MTA1: variants seen among roughly 807,000 people sequenced by gnomAD.
MTA1 encodes metastasis-associated protein MTA1.
MTA1 carries 15 observed loss-of-function variants against 97.0 expected under a neutral mutation model. The observed-to-expected ratio is 0.15, with a 90% CI of 0.10 to 0.24. The LOEUF is 0.24. MTA1 is among the 10% of genes least tolerant of loss of function. The pLI is 1.00. For synonymous variants in MTA1, 435 were observed against 417.5 expected (o/e 1.04, Z -0.51); for missense variants, 709 against 1,015.1 (o/e 0.70, Z 4.10).
At chr14:105,462,728 G>A (rs1156680030) in intron 10 of MTA1, among the ~76,000 whole-genome samples, 4 of 152,104 alleles carry the variant, frequency 2.6e-5, no homozygotes, top group African/African-American at 7.2e-5. Flanking sequence ...AATTAGCCGG[G>A]TGTGTTGAGA....
At chr14:105,465,808 C>T (rs1244050856) in intron 16 of MTA1, 2 of 152,608 alleles carry the variant, frequency 1.3e-5, no homozygotes, top group Non-Finnish European at 2.9e-5. Flanking sequence ...GGGGCCTCCT[C>T]CATTTGCTGG....
chr14:105,439,001 G>C lies in MTA1; in HGVS notation c.96+262G>C, dbSNP rs57473227. Among the ~76,000 whole-genome samples the C allele has an allele frequency of 2.0e-5, 3 of 152,316 alleles. No individual in the cohort carries two copies. The East Asian group carries it at 5.8e-4, about 29-fold the overall frequency. On this transcript the variant is annotated intron_variant, in intron 2 of 20. Coordinates refer to ENST00000331320, the MANE Select transcript of MTA1 (RefSeq NM_004689.4). ...CTGCCCACTCTACACTTGGTCTGTG[G>C]GTGCTGGGTCCCCTGAAGATGCCAG...
chr14:105,429,837 A>G (rs1410979889), intron 1 of MTA1, among the ~76,000 whole-genome samples: 2 of 122,726 alleles, frequency 1.6e-5, no homozygotes, highest in African/African-American at 6.5e-5. Context: ...GCTCACTGCC[A>G]CCTCCAGCTC....
chr14:105,442,242 AG>A (rs1290978801), intron 2 of MTA1, among the ~76,000 whole-genome samples: 27 of 152,366 alleles, frequency 1.8e-4, no homozygotes, highest in African/African-American at 6.5e-4. Context: ...AGCCGCGTTC[AG>A]GTGTGGAGGC....
At chr14:105,442,018 G>C (rs1308681505) in intron 2 of MTA1, among the ~76,000 whole-genome samples, 1 of 152,054 alleles carries the variant, frequency 6.6e-6, no homozygotes, top group Non-Finnish European at 1.5e-5. Flanking sequence ...CAGAAGATGG[G>C]GCAAAAACAC....
Position 105,463,639 on chromosome 14 carries a change from G to A in MTA1, c.1076+88G>A. 4 of 1,357,960 alleles carry A rather than the reference G, an allele frequency of 2.9e-6. No individual in the cohort carries two copies. Among genetic ancestry groups the A allele is most frequent in the Middle Eastern group, 1.9e-4 (1 of 5,362 alleles). 84.1% of individuals were successfully genotyped at this position (1,357,960 alleles called of 1,614,324 possible). A position where few individuals can be genotyped will look rare whatever the true frequency, so the allele number is the denominator to read the frequency against. Reference sequence around the variant, plus strand: ...GTGCTGGGGCCAGGCGGGTCCCAAGGAAACTCAAGCTCAGAGGCTGGGAAA... The same window carrying A: ...GTGCTGGGGCCAGGCGGGTCCCAAGAAAACTCAAGCTCAGAGGCTGGGAAA... On this transcript the variant is annotated intron_variant, in intron 12 of 20. Coordinates refer to ENST00000331320, the MANE Select transcript of MTA1 (RefSeq NM_004689.4). This position sits in a 1 kb window ranked among gnomAD's most constrained non-coding sequence, Gnocchi z 5.9.
Position 105,444,715 on chromosome 14 carries a change from C to T in MTA1, c.97-703C>T, listed in dbSNP as rs1174919933. Among the ~76,000 whole-genome samples, 11 of 150,710 alleles carry T rather than the reference C, an allele frequency of 7.3e-5. No individual in the cohort carries two copies. The South Asian group carries it at 1.3e-3, about 17-fold the overall frequency. ...CTGAGGCAGGAGAATCACTTGAACC[C>T]AGGAGGCAGAGGTTGCAGTGAGCCA... On this transcript the variant is annotated intron_variant, in intron 2 of 20. Transcript: ENST00000331320.
chr14:105,468,056 G>T (rs1410112199), intron 18 of MTA1: 1 of 346,586 alleles, frequency 2.9e-6, no homozygotes, highest in African/African-American at 2.2e-5. Context: ...CTGACGTGTA[G>T]CGGCCAGGAC....
intron 2 of MTA1, among the ~76,000 whole-genome samples, chr14:105,443,877 T>G (rs1024532678): frequency 8.6e-5 from 13 of 151,640 alleles, no homozygotes; most frequent in Admixed American, 7.9e-4. Context: ...GGTCACGAGG[T>G]CAGGAGATAG....
At chr14:105,444,399 A>T (rs4983626) in intron 2 of MTA1, among the ~76,000 whole-genome samples, 140,980 of 152,112 alleles carry the variant, frequency 0.93, 66,256 homozygotes, top group Non-Finnish European at 1. Flanking sequence ...GCATGGTGTA[A>T]TTGGACTGTG....
rs587671542 is a variant in MTA1, at chr14:105,439,103, C to T, written c.96+364C>T. ...GCTGCAGAAAGCCATACTCGGTGCC[C>T]CTGCCCTGCCCGAACCCTGGCAGCC... On this transcript the variant is annotated intron_variant, in intron 2 of 20. Coordinates refer to ENST00000331320, the MANE Select transcript of MTA1 (RefSeq NM_004689.4). Among the ~76,000 whole-genome samples the T allele has an allele frequency of 3.6e-4, 38 of 104,918 alleles. No individual in the cohort carries two copies. In the East Asian group the frequency reaches 0.011, roughly 31 times the overall value. The allele number at this position is 104,918 out of a possible 152,430, so 68.8% of individuals were successfully genotyped here.
chr14:105,469,916 C>T lies in MTA1; in HGVS notation c.1921C>T (p.Pro641Ser). Residue 641 changes from proline (P) to serine (S), a missense_variant, in exon 20 of 21, where the codon CCC becomes TCC. By Grantham distance (74) the Pro-to-Ser change is moderately conservative. This residue lies in a region of MTA1 where 388 missense variants were observed against 421.6 expected (regional missense o/e 0.92). Coordinates refer to ENST00000331320, the MANE Select transcript of MTA1 (RefSeq NM_004689.4). ...GCGCCTGATCCGGGGGGGCTCCCTGCCCCCAGTCAAGCGGCGGCGGATGAA... is the reference window on the plus strand; with the variant it reads ...GCGCCTGATCCGGGGGGGCTCCCTGTCCCCAGTCAAGCGGCGGCGGATGAA... Reference protein sequence around the residue: ...KVRLIRGGSLPPVKRRRMNWI... With the variant: ...KVRLIRGGSLSPVKRRRMNWI... The T allele has an allele frequency of 1.2e-6, 2 of 1,612,026 alleles. No individual in the cohort carries two copies. The highest frequency in any genetic ancestry group is 1.7e-6 in the Non-Finnish European group (2 of 1,179,606).
chr14:105,435,145 G>T (rs1360111120), intron 1 of MTA1, among the ~76,000 whole-genome samples: 1 of 152,190 alleles, frequency 6.6e-6, no homozygotes, highest in African/African-American at 2.4e-5. Context: ...GTACCCTTTA[G>T]TTCCTTGTTT....
In MTA1 at chr14:105,465,254, T is replaced by C. The variant is rs587733411; in HGVS notation, c.1624+71T>C. 10 of 1,293,718 alleles carry C rather than the reference T, an allele frequency of 7.7e-6. No homozygotes were observed. The South Asian group carries it at 1.4e-4, about 18-fold the overall frequency. The allele number at this position is 1,293,718 out of a possible 1,614,324, so 80.1% of individuals were successfully genotyped here. On this transcript the variant is annotated intron_variant, in intron 16 of 20. Transcript: ENST00000331320. ...CAGCTTCTCACCCAAGCTCATGCAC[T>C]GGTGCTCCCAGCCTTCTCTAGCTGG...
At chr14:105,453,651 A>C (rs1425396513) in intron 6 of MTA1, among the ~76,000 whole-genome samples, 1 of 152,144 alleles carries the variant, frequency 6.6e-6, no homozygotes, top group East Asian at 1.9e-4. Context: ...CTCTACTGAA[A>C]ATACAAAATA....
At chr14:105,428,510 C>T (rs2082079332) in intron 1 of MTA1, among the ~76,000 whole-genome samples, 1 of 152,116 alleles carries the variant, frequency 6.6e-6, no homozygotes, top group Non-Finnish European at 1.5e-5. Flanking sequence ...TCAAGCGATC[C>T]TCCCACTTCG....
chr14:105,468,269 A>G, intron 18 of MTA1: 2 of 1,291,890 alleles, frequency 1.5e-6, no homozygotes, highest in Non-Finnish European at 2.0e-6. Context: ...CGGGGCCTGC[A>G]GATGGCTGCG....
intron 2 of MTA1, among the ~76,000 whole-genome samples, chr14:105,441,725 T>C (rs111946893): frequency 0.015 from 2,272 of 151,458 alleles, 40 homozygotes; most frequent in African/African-American, 0.043. Context: ...ACCCGGGAGG[T>C]GGAGCTTGCA....
intron 2 of MTA1, 42 bp downstream of exon 2, chr14:105,438,781 G>A: frequency 1.2e-6 from 2 of 1,600,082 alleles, no homozygotes; most frequent in Non-Finnish European, 8.5e-7. Flanking sequence ...GGTAGTGGGT[G>A]GGGGCTACGC....
Sources: allele counts gnomAD v4.1 joint callset (sites outside exome capture counted in the v4.1 genomes callset), GRCh38; gene constraint gnomAD v4.1.1; regional missense constraint gnomAD v4.1.1; non-coding constraint Gnocchi (gnomAD v3.1); transcripts MANE v1.5; gene names NCBI Gene and HGNC (gene_info 2026-07-23, HGNC 2026-07-21).